The following IL7 variants were observed in gnomAD, a reference collection of about 807,000 sequenced individuals.
IL7 encodes interleukin-7.
Under a neutral mutation model 21.6 loss-of-function variants are expected in IL7, and 3 were observed. The observed-to-expected ratio is 0.14, with a 90% CI of 0.06 to 0.36. The LOEUF (loss-of-function observed/expected upper bound fraction) is 0.36, where lower values mean the gene tolerates loss of function less well. IL7 is among the 10% of genes least tolerant of loss of function. IL7 has a pLI of 1.00. For synonymous variants in IL7, 62 were observed against 68.1 expected (o/e 0.91, Z 0.44); for missense variants, 175 against 200.2 (o/e 0.87, Z 0.76).
intron 5 of IL7, 55 bp from the exon 6 acceptor site, chr8:78,733,887 T>C: frequency 1.7e-6 from 2 of 1,165,850 alleles, no homozygotes; most frequent in Non-Finnish European, 1.1e-6. Context: ...AAATATATAT[T>C]TTAAAATACT....
chr8:78,794,074 C>A (rs1471610597), intron 2 of IL7, among the ~76,000 whole-genome samples: 1 of 152,116 alleles, frequency 6.6e-6, no homozygotes, highest in African/African-American at 2.4e-5. Context: ...CTATTGAAGT[C>A]TTGAACCCCT....
intron 2 of IL7, among the ~76,000 whole-genome samples, chr8:78,774,244 C>T (rs1015333089): frequency 2.6e-5 from 4 of 152,078 alleles, no homozygotes; most frequent in Admixed American, 6.6e-5. Flanking sequence ...ACCCTGTAGC[C>T]TTGCCTCTTC....
At chr8:78,761,208 C>G in intron 2 of IL7, 1 of 1,591,812 alleles carries the variant, frequency 6.3e-7, no homozygotes, top group Non-Finnish European at 8.5e-7. Context: ...TGAAAAAGAA[C>G]AGAAATTACG....
At chr8:78,796,140 T>C (rs1813845957) in intron 2 of IL7, among the ~76,000 whole-genome samples, 1 of 152,002 alleles carries the variant, frequency 6.6e-6, no homozygotes, top group Admixed American at 6.6e-5. Flanking sequence ...AAAAATTAAC[T>C]CTTGCAGATG....
At chr8:78,755,914 A>G (rs1299900476) in intron 2 of IL7, among the ~76,000 whole-genome samples, 1 of 151,978 alleles carries the variant, frequency 6.6e-6, no homozygotes, top group Admixed American at 6.6e-5. Flanking sequence ...TTCAGTTATT[A>G]TAAGAAAGAC....
chr8:78,738,650 A>G lies in IL7; in HGVS notation c.229-15T>C, dbSNP rs1392436899. Reference sequence around the variant, plus strand: ...AACATACCTTCCTATTATAGGAAAAAGTCAGAAGGGCCATGGTTCAAATAA... The same window carrying G: ...AACATACCTTCCTATTATAGGAAAAGGTCAGAAGGGCCATGGTTCAAATAA... On this transcript the variant is annotated splice_polypyrimidine_tract_variant and intron_variant, in intron 3 of 5. Coordinates refer to ENST00000263851, the MANE Select transcript of IL7 (RefSeq NM_000880.4). 1 of 1,609,596 alleles carries G rather than the reference A, an allele frequency of 6.2e-7. No individual in the cohort carries two copies. The highest frequency in any genetic ancestry group is 1.7e-5 in the Admixed American group (1 of 59,468).
chr8:78,678,808 C>G lies in IL7; in HGVS notation n.274-2704G>C, dbSNP rs565332536. ...CTACATTAAGATTAAAGAATAAATA[C>G]AATTCTGTGTTATATGTTCAGTTTA... On this transcript the variant is annotated intron_variant and non_coding_transcript_variant, in intron 4 of 4. Transcript: ENST00000523959. 200 of 542,846 alleles carry G rather than the reference C, an allele frequency of 3.7e-4. No homozygotes were observed. The African/African-American group carries it at 3.9e-3, about 11-fold the overall frequency. The allele number at this position is 542,846 out of a possible 1,614,324, so 33.6% of individuals were successfully genotyped here.
intron 2 of IL7, among the ~76,000 whole-genome samples, chr8:78,745,805 A>G (rs1201920741): frequency 1.3e-5 from 2 of 152,234 alleles, no homozygotes; most frequent in Non-Finnish European, 2.9e-5. Flanking sequence ...AAAACTTATT[A>G]TCTCACATTT....
At chr8:78,785,545 C>A (rs1282358987) in intron 2 of IL7, among the ~76,000 whole-genome samples, 1 of 152,090 alleles carries the variant, frequency 6.6e-6, no homozygotes, top group African/African-American at 2.4e-5. Flanking sequence ...TCATTCTATT[C>A]TTTTATCAAC....
chr8:78,695,860 C>T (rs1563631468), intron 3 of IL7, among the ~76,000 whole-genome samples: 1 of 151,936 alleles, frequency 6.6e-6, no homozygotes, highest in Non-Finnish European at 1.5e-5. Context: ...TTTGTGTGAC[C>T]GTTTATCAAG....
intron 2 of IL7, among the ~76,000 whole-genome samples, chr8:78,793,731 A>T (rs1181112601): frequency 6.6e-6 from 1 of 152,134 alleles, no homozygotes; most frequent in Non-Finnish European, 1.5e-5. Context: ...TTCATAAAAG[A>T]TTCCTCTGTA....
rs202160816 is a variant in IL7, at chr8:78,703,552, T to A, written n.215-17605A>T. Among the ~76,000 whole-genome samples the A allele has an allele frequency of 3.7e-4, 56 of 150,294 alleles. No homozygotes were observed. The East Asian group carries it at 9.1e-3, about 24-fold the overall frequency. On this transcript the variant is annotated intron_variant and non_coding_transcript_variant, in intron 3 of 4. Coordinates refer to the IL7 transcript ENST00000523959. ...AATACCCTTCTTTTTTTTTTTTTTT[T>A]AAATCTTTGTTGGTTTAAAGTCTGT...
chr8:78,713,584 A>C (rs1373374092), downstream of IL7, among the ~76,000 whole-genome samples: 2 of 152,212 alleles, frequency 1.3e-5, no homozygotes, highest in East Asian at 1.9e-4. Context: ...GCTATACACA[A>C]GAGTAGAGTA....
chr8:78,684,869 A>G (rs1809913318), intron 4 of IL7, among the ~76,000 whole-genome samples: 1 of 152,220 alleles, frequency 6.6e-6, no homozygotes, highest in South Asian at 2.1e-4. Context: ...TTTTTCAAAT[A>G]GAAATATATC....
chr8:78,704,285 G>C (rs1056088338), intron 3 of IL7, among the ~76,000 whole-genome samples: 6 of 151,720 alleles, frequency 4.0e-5, no homozygotes, highest in African/African-American at 7.3e-5. Flanking sequence ...CTACTTGGGA[G>C]GCTGAGGCAG....
At position 78,770,341 on chromosome 8, in the gene IL7, G is replaced by C. The variant is rs1171297636; in HGVS notation, c.147+27731C>G. On this transcript the variant is annotated intron_variant, in intron 2 of 5. Transcript: ENST00000263851. ...GTTATCACAAAATTCAGTAGAGCTTGGTCAATTGGAGCTAAACATTGGTAA... is the reference window on the plus strand; with the variant it reads ...GTTATCACAAAATTCAGTAGAGCTTCGTCAATTGGAGCTAAACATTGGTAA... 3.4e-5 allele frequency among the ~76,000 whole-genome samples: 5 copies of C among 149,044 alleles called. No individual in the cohort carries two copies. The South Asian group carries it at 6.3e-4, about 19-fold the overall frequency.
intron 1 of IL7, among the ~76,000 whole-genome samples, chr8:78,798,563 C>T (rs1293039275): frequency 6.6e-6 from 1 of 152,004 alleles, no homozygotes; most frequent in Non-Finnish European, 1.5e-5. Flanking sequence ...AGGTGCACTA[C>T]AGTTCGAAGA....
chr8:78,714,173 A>T (rs183255373), downstream of IL7, among the ~76,000 whole-genome samples: 65 of 152,298 alleles, frequency 4.3e-4, no homozygotes, highest in Non-Finnish European at 8.1e-4. Flanking sequence ...CTATGCTTCA[A>T]TGAACATCTA....
intron 2 of IL7, among the ~76,000 whole-genome samples, chr8:78,756,858 T>C (rs569776649): frequency 9.2e-5 from 14 of 152,096 alleles, no homozygotes; most frequent in African/African-American, 3.1e-4. Context: ...TTTTATTATT[T>C]AGTTTAGTTT....
Sources: gnomAD v4.1 joint callset for allele counts (sites outside exome capture counted in the v4.1 genomes callset) on GRCh38, gnomAD v4.1.1 for gene constraint, MANE v1.5 for transcripts, NCBI Gene and HGNC (gene_info 2026-07-23, HGNC 2026-07-21) for gene names.